The following TTC5 variants were observed in gnomAD, a reference collection of about 807,000 sequenced individuals.
The protein encoded by TTC5 is tetratricopeptide repeat domain 5, also known as tetratricopeptide repeat protein 5.
In TTC5, 46 loss-of-function variants were observed where a neutral mutation model predicts 57.4. The ratio of observed to expected loss-of-function variants is 0.80; its 90% CI spans 0.63 to 1.03. The LOEUF (loss-of-function observed/expected upper bound fraction) is 1.03, where lower values mean the gene tolerates loss of function less well. TTC5 is among the 50% of genes least tolerant of loss of function. The pLI is 0.00. For synonymous variants in TTC5, 190 were observed against 203.5 expected (o/e 0.93, Z 0.57); for missense variants, 504 against 528.1 (o/e 0.95, Z 0.45).
rs1881845396 is a variant in TTC5 at position 20,286,721 on chromosome 14, C to A, written c.*2906G>T. ...TCAATGACATTGAAATTAAGAACTT[C>A]TGTTCAGCAAAAGACCCAATAGAAT... On this transcript the variant is annotated 3_prime_UTR_variant, in exon 10 of 10. Transcript: ENST00000258821. 1 of 147,954 alleles carries A rather than the reference C, an allele frequency of 6.8e-6. No individual in the cohort carries two copies. 9.2% of individuals were successfully genotyped at this position (147,954 alleles called of 1,614,324 possible).
At chr14:20,291,923 A>G in intron 9 of TTC5, 60 bp downstream of exon 9, 1 of 1,377,522 alleles carries the variant, frequency 7.3e-7, no homozygotes, top group South Asian at 2.1e-5. Flanking sequence ...TTATAAAAAG[A>G]TAAGCTTGGT....
In TTC5 at chr14:20,296,405, A is replaced by T; in HGVS notation, c.681T>A (p.His227Gln). 3 of 1,613,164 alleles carry T rather than the reference A, an allele frequency of 1.9e-6. No homozygotes were observed. Among genetic ancestry groups the T allele is most frequent in the Non-Finnish European group, 2.5e-6 (3 of 1,179,084 alleles). ...DRKASSNPDL[H>Q]LNRATLHKYE... ...AAGGTCTTACCGTCGCCCTGTTCAG[A>T]TGAAGGTCAGGATTGCTAGAAGCTT... The change falls in exon 6 of 10, where the codon CAT becomes CAA. Residue 227 changes from histidine to glutamine, a missense_variant. His to Gln is a conservative substitution (Grantham distance 24). Coordinates refer to ENST00000258821, the MANE Select transcript of TTC5 (RefSeq NM_138376.3).
At chr14:20,300,533 C>T in intron 3 of TTC5, 74 bp downstream of exon 3, 2 of 1,336,086 alleles carry the variant, frequency 1.5e-6, no homozygotes, top group Non-Finnish European at 2.0e-6. Flanking sequence ...TATTCATGTC[C>T]TAGGGAAACT....
rs778391302 is a variant in TTC5, at chr14:20,295,324, T to C, written c.1046A>G (p.Glu349Gly). 9.3e-6 allele frequency: 15 copies of C among 1,614,036 alleles called. No individual in the cohort carries two copies. The highest frequency in any genetic ancestry group is 1.0e-5 in the Non-Finnish European group (12 of 1,180,020). ...AAGAGAAACTCACAAGGGGACTTTCTCCTCTGTGGTGAGGCTAAATACCAC... is the reference window on the plus strand; with the variant it reads ...AAGAGAAACTCACAAGGGGACTTTCCCCTCTGTGGTGAGGCTAAATACCAC... ...GKVVFSLTTE[E>G]KVPFTFGLVD... Residue 349 changes from glutamate (E) to glycine (G), a missense_variant, in exon 8 of 10, where the codon GAG (glutamate) becomes GGG (glycine). By Grantham distance (98) the Glu-to-Gly change is moderately conservative (BLOSUM62 -2). Transcript: ENST00000258821.
rs76803383 is a variant in TTC5 at position 20,296,625 on chromosome 14, T to G, written c.640-179A>C. Among the ~76,000 whole-genome samples the G allele has an allele frequency of 8.0e-3, 1,220 of 152,290 alleles. 17 individuals are homozygous for G. The highest frequency in any genetic ancestry group is 0.028 in the African/African-American group (1,163 of 41,548). ...TGTGGATATCTTAGTCCCAAAACCT[T>G]AGGGATATAAGTGTTTTTGTATGTG... On this transcript the variant is annotated intron_variant, in intron 5 of 9. Coordinates refer to ENST00000258821, the MANE Select transcript of TTC5 (RefSeq NM_138376.3).
At chr14:20,296,806 A>C in intron 5 of TTC5, among the ~76,000 whole-genome samples, 1 of 152,174 alleles carries the variant, frequency 6.6e-6, no homozygotes, top group South Asian at 2.1e-4. Flanking sequence ...TGAGGTCAGG[A>C]GCTCAAGACC....
intron 3 of TTC5, among the ~76,000 whole-genome samples, chr14:20,300,168 T>A (rs1420048170): frequency 2.0e-4 from 25 of 123,072 alleles, no homozygotes; most frequent in East Asian, 9.1e-4. Flanking sequence ...TTTTTTTTTT[T>A]TTTTTTTTTT....
rs1491224593 is a variant in TTC5, at chr14:20,300,156, T to TATATATATATATATATATATATATATA, written c.396+450_396+451insTATATATATATATATATATATATATAT. 5.8e-4 allele frequency among the ~76,000 whole-genome samples: 23 copies of TATATATATATATATATATATATATATA among 39,838 alleles called. 3 individuals are homozygous for TATATATATATATATATATATATATATA. The highest frequency in any genetic ancestry group is 9.7e-4 in the South Asian group (1 of 1,028). The allele number at this position is 39,838 out of a possible 152,430, so 26.1% of individuals were successfully genotyped here. On this transcript the variant is annotated intron_variant, in intron 3 of 9. Coordinates refer to ENST00000258821, the MANE Select transcript of TTC5 (RefSeq NM_138376.3). ...CGTCTGGTCCATGTATATATATATATTTTTTTTTTTTTTTTTTTTTTTTGT... is the reference window on the plus strand; with the variant it reads ...CGTCTGGTCCATGTATATATATATATATATATATATATATATATATATATATATTTTTTTTTTTTTTTTTTTTTTTGT...
rs184430152 is a variant in TTC5 at position 20,296,958 on chromosome 14, C to T, written c.640-512G>A. Among the ~76,000 whole-genome samples the T allele has an allele frequency of 4.7e-3, 716 of 152,016 alleles. 4 individuals are homozygous for T. Among genetic ancestry groups the T allele is most frequent in the Non-Finnish European group, 6.8e-3 (460 of 67,980 alleles). ...ATGGGAGGTGGAGGTTGCAGTGAGC[C>T]GAGATTGCACCACTGCACTCGAGCC... On this transcript the variant is annotated intron_variant, in intron 5 of 9. Transcript: ENST00000258821.
At chr14:20,298,933 A>C in intron 4 of TTC5, 45 bp from the exon 5 acceptor site, 1 of 1,387,706 alleles carries the variant, frequency 7.2e-7, no homozygotes, top group Non-Finnish European at 1.0e-6. Flanking sequence ...GTCCAAGTTC[A>C]AGATATGACT....
At chr14:20,293,039 T>C (rs1362351169) in intron 8 of TTC5, 1 of 152,154 alleles carries the variant, frequency 6.6e-6, no homozygotes, top group Admixed American at 6.5e-5. Flanking sequence ...ACGCTTAAAA[T>C]TGTACATTTC....
At chr14:20,291,012 C>A (rs56383558) in intron 9 of TTC5, among the ~76,000 whole-genome samples, 8,914 of 152,052 alleles carry the variant, frequency 0.059, 369 homozygotes, top group Middle Eastern at 0.11. Flanking sequence ...AAATATTACG[C>A]TTCTGTCCAT....
Position 20,289,722 on chromosome 14 carries a change from C to T in TTC5, c.1228G>A (p.Val410Met), listed in dbSNP as rs775761080. 3 of 1,613,702 alleles carry T rather than the reference C, an allele frequency of 1.9e-6. No individual in the cohort carries two copies. In the Admixed American group the frequency reaches 5.0e-5, roughly 27 times the overall value. Residue 410 changes from valine (V) to methionine (M), a missense_variant, in exon 10 of 10, where the codon GTG becomes ATG. Transcript: ENST00000258821. Reference sequence around the variant, plus strand: ...ACCACTAGCAGGAGGGGCGTCTCCACTCGAACACTGGAAAAGGAATAGTCC... The same window carrying T: ...ACCACTAGCAGGAGGGGCGTCTCCATTCGAACACTGGAAAAGGAATAGTCC... ...GKDYSFSSVRVETPLLLVVNG... is the reference protein window; with the variant it reads ...GKDYSFSSVRMETPLLLVVNG...
chr14:20,303,087 G>A (rs531748678), intron 1 of TTC5, among the ~76,000 whole-genome samples: 73 of 151,868 alleles, frequency 4.8e-4, no homozygotes, highest in African/African-American at 1.5e-3. Flanking sequence ...ACCTACTCGG[G>A]AGGCTGAGGC....
Position 20,295,347 on chromosome 14 carries a change from CACCTT to C in TTC5, c.1018_1022del (p.Lys340GlyfsTer3), listed in dbSNP as rs1286419690. ...TCTCCTCTGTGGTGAGGCTAAATAC[CACCTT>C]TCCCAGGATGACGGCACCGCTGTTC... On this transcript the variant is annotated frameshift_variant, in exon 8 of 10. Transcript: ENST00000258821. LOFTEE classifies it high-confidence loss of function. The C allele has an allele frequency of 1.2e-6, 2 of 1,614,000 alleles. No individual in the cohort carries two copies. Among genetic ancestry groups the C allele is most frequent in the African/African-American group, 2.7e-5 (2 of 74,902 alleles).
In TTC5 at chr14:20,292,004, G is replaced by A. The variant is rs1881963604; in HGVS notation, c.1182C>T (p.His394=). 6.3e-7 allele frequency: 1 copy of A among 1,590,668 alleles called. No homozygotes were observed. The highest frequency in any genetic ancestry group is 8.6e-7 in the Non-Finnish European group (1 of 1,168,930). ...VAIPEPNLRL[H]RIQHKGKDYS... The stretch of plus-strand genomic sequence containing the variant: ...TCACCTTTCCTTTGTGCTGAATTCG[G>A]TGAAGCCGCAGGTTGGGCTCAGGAA... The change falls in exon 9 of 10, where the codon CAC becomes CAT. Residue 394 remains histidine (H), a synonymous_variant. Coordinates refer to ENST00000258821, the MANE Select transcript of TTC5 (RefSeq NM_138376.3).
rs1463962724 is a variant in TTC5 at position 20,298,822 on chromosome 14, T to C, written c.614A>G (p.Gln205Arg). The change falls in exon 5 of 10, where the codon CAA becomes CGA. Residue 205 changes from glutamine (Q) to arginine (R), a missense_variant. Coordinates refer to ENST00000258821, the MANE Select transcript of TTC5 (RefSeq NM_138376.3). ...TGCTTGGGCATAGGCACTGAGGGCT[T>C]GCTGGGAGATCTTAGGGTTCTGGCC... is the stretch of plus-strand genomic sequence containing the variant. ...STGQNPKISQQALSAYAQAEK... is the reference protein window; with the variant it reads ...STGQNPKISQRALSAYAQAEK... 2 of 1,613,986 alleles carry C rather than the reference T, an allele frequency of 1.2e-6. No homozygotes were observed. Among genetic ancestry groups the C allele is most frequent in the South Asian group, 2.2e-5 (2 of 91,082 alleles).
chr14:20,296,168 C>G (rs1408426385), intron 6 of TTC5, among the ~76,000 whole-genome samples: 1 of 152,176 alleles, frequency 6.6e-6, no homozygotes, highest in Non-Finnish European at 1.5e-5. Context: ...TCCCCCCATT[C>G]TCTACCTATT....
Position 20,299,434 on chromosome 14 carries a change from G to C in TTC5, c.411C>G (p.Val137=). 2 of 1,613,852 alleles carry C rather than the reference G, an allele frequency of 1.2e-6. No homozygotes were observed. Among genetic ancestry groups the C allele is most frequent in the Non-Finnish European group, 1.7e-6 (2 of 1,180,024 alleles). The change falls in exon 4 of 10, where the codon GTC becomes GTG. Residue 137 remains valine, a synonymous_variant. Coordinates refer to ENST00000258821, the MANE Select transcript of TTC5 (RefSeq NM_138376.3). The stretch of plus-strand genomic sequence containing the variant: ...GCACCATTGACAGGTTTTGCAAGGA[G>C]ACTTTGTTCCTGCACTGCAAATAGG... ...SGALTHCRNK[V]SLQNLSMVLR...
Sources: gnomAD v4.1 joint callset for allele counts (sites outside exome capture counted in the v4.1 genomes callset) on GRCh38, gnomAD v4.1.1 for gene constraint, MANE v1.5 for transcripts, NCBI Gene and HGNC (gene_info 2026-07-23, HGNC 2026-07-21) for gene names.